SPATA16: variants seen among roughly 807,000 people sequenced by gnomAD.
SPATA16 encodes the protein spermatogenesis-associated protein 16.
Under a neutral mutation model 63.3 loss-of-function variants are expected in SPATA16, and 36 were observed. That is an observed-to-expected ratio of 0.57 (90% confidence interval 0.44 to 0.75). SPATA16 has a LOEUF of 0.75. Among genes scored for constraint, SPATA16 ranks in the 30% least tolerant of loss-of-function variants. The probability of loss-of-function intolerance (pLI) is 0.00; values close to 1 mark genes in which losing one functional copy is unlikely to be tolerated. For missense variants in SPATA16, 646 were observed against 679.3 expected (o/e 0.95, Z 0.54); for synonymous variants, 203 against 216.7 (o/e 0.94, Z 0.56).
intron 3 of SPATA16, among the ~76,000 whole-genome samples, chr3:173,041,892 A>G (rs1012287726): frequency 6.6e-6 from 1 of 152,132 alleles, no homozygotes; most frequent in African/African-American, 2.4e-5. Context: ...AACATGGCGC[A>G]TGTATACATA....
Position 172,924,980 on chromosome 3 carries a change from A to T in SPATA16, c.1228+366T>A, listed in dbSNP as rs573446484. On this transcript the variant is annotated intron_variant, in intron 7 of 10. Transcript: ENST00000351008. Reference sequence around the variant, plus strand: ...AGAGACATTAATACAACAACAGAGAATACAAGTAATTTAAGATTGTCATTG... The same window carrying T: ...AGAGACATTAATACAACAACAGAGATTACAAGTAATTTAAGATTGTCATTG... Among the ~76,000 whole-genome samples the T allele has an allele frequency of 2.6e-5, 4 of 152,352 alleles. No individual in the cohort carries two copies. In the South Asian group the frequency reaches 8.3e-4, roughly 32 times the overall value.
At chr3:173,140,114 G>C (rs1738668410) in intron 1 of SPATA16, among the ~76,000 whole-genome samples, 1 of 152,160 alleles carries the variant, frequency 6.6e-6, no homozygotes, top group Non-Finnish European at 1.5e-5. Context: ...CTTTCTTTTA[G>C]TCATAATCAA....
intron 2 of SPATA16, among the ~76,000 whole-genome samples, chr3:173,088,087 CTT>C (rs543770917): frequency 1.7e-4 from 11 of 62,936 alleles, no homozygotes; most frequent in African/African-American, 5.5e-4. Flanking sequence ...TCTGTCTTTT[CTT>C]TTTTTTTTTT....
Position 173,137,822 on chromosome 3 carries a change from AACACACACACACACACACAC to A in SPATA16, c.-19+3261_-19+3280del, listed in dbSNP as rs1185263699. Among the ~76,000 whole-genome samples, 706 of 122,286 alleles carry A rather than the reference AACACACACACACACACACAC, an allele frequency of 5.8e-3. 9 individuals carry two copies. The highest frequency in any genetic ancestry group is 0.02 in the African/African-American group (669 of 33,410). The allele number at this position is 122,286 out of a possible 152,430, so 80.2% of individuals were successfully genotyped here. ...TCTGAGGGGGATCCCATGGACTCTC[AACACACACACACACACACAC>A]ACACACACACACACACACACACACA... On this transcript the variant is annotated intron_variant, in intron 1 of 10. Coordinates refer to ENST00000351008, the MANE Select transcript of SPATA16 (RefSeq NM_031955.6).
chr3:173,069,112 GAA>G (rs541801266), intron 2 of SPATA16, among the ~76,000 whole-genome samples: 6 of 109,154 alleles, frequency 5.5e-5, no homozygotes, highest in Middle Eastern at 9.8e-3. Context: ...TCCGTCTCAA[GAA>G]AAAAAAAAAA....
At position 173,075,636 on chromosome 3, in the gene SPATA16, G is replaced by A. The variant is rs77564541; in HGVS notation, c.613-26542C>T. On this transcript the variant is annotated intron_variant, in intron 2 of 10. Coordinates refer to ENST00000351008, the MANE Select transcript of SPATA16 (RefSeq NM_031955.6). ...TCACTTGCAGTAACAGGGATGGAAC[G>A]GGAAGACATTATGTTAAGTGAAATA... Among the ~76,000 whole-genome samples, 749 of 152,210 alleles carry A rather than the reference G, an allele frequency of 4.9e-3. 4 individuals are homozygous for A. Among genetic ancestry groups the A allele is most frequent in the African/African-American group, 0.017 (713 of 41,526 alleles).
chr3:172,983,079 GTTTTAAAGACCTCCACAGA>G (rs1356246252), intron 4 of SPATA16, among the ~76,000 whole-genome samples: 1 of 152,108 alleles, frequency 6.6e-6, no homozygotes, highest in African/African-American at 2.4e-5. Context: ...AATCTATTCC[GTTTTAAAGACCTCCACAGA>G]AGGACATTGC....
At position 173,088,007 on chromosome 3, in the gene SPATA16, CG is replaced by C. The variant is rs1451701228; in HGVS notation, c.612+29112del. ...AATCTGATGATTAGCATTTTCTTTC[CG>C]TCTTTCTTTCTTTCTTTCTTTCTTT... On this transcript the variant is annotated intron_variant, in intron 2 of 10. Coordinates refer to ENST00000351008, the MANE Select transcript of SPATA16 (RefSeq NM_031955.6). Among the ~76,000 whole-genome samples the C allele has an allele frequency of 3.8e-4, 45 of 118,370 alleles. 1 individual carries two copies. The highest frequency in any genetic ancestry group is 1.5e-3 in the African/African-American group (44 of 28,566). 77.7% of individuals were successfully genotyped at this position (118,370 alleles called of 152,430 possible).
chr3:173,028,021 T>TC lies in SPATA16; in HGVS notation c.759-8447dup, dbSNP rs1560101010. On this transcript the variant is annotated intron_variant, in intron 3 of 10. Coordinates refer to ENST00000351008, the MANE Select transcript of SPATA16 (RefSeq NM_031955.6). ...TCCCTCCCTCCCTCCCTCCCTTCCTTCTTTCCTTCCTTCCTTCCTTCCTTC... is the reference window on the plus strand; with the variant it reads ...TCCCTCCCTCCCTCCCTCCCTTCCTTCCTTTCCTTCCTTCCTTCCTTCCTTC... 5.9e-3 allele frequency among the ~76,000 whole-genome samples: 205 copies of TC among 34,904 alleles called. 6 individuals carry two copies. The highest frequency in any genetic ancestry group is 9.1e-3 in the Admixed American group (20 of 2,188). The allele number at this position is 34,904 out of a possible 152,430, so 22.9% of individuals were successfully genotyped here. A position where few individuals can be genotyped will look rare whatever the true frequency, so the allele number is the denominator to read the frequency against.
At chr3:173,138,072 C>A (rs1001072014) in intron 1 of SPATA16, among the ~76,000 whole-genome samples, 2 of 152,022 alleles carry the variant, frequency 1.3e-5, no homozygotes, top group African/African-American at 2.4e-5. Flanking sequence ...TGATTTCTAA[C>A]AAGTTAAATG....
intron 5 of SPATA16, among the ~76,000 whole-genome samples, chr3:172,962,524 A>G (rs1733814437): frequency 6.6e-6 from 1 of 152,186 alleles, no homozygotes. Context: ...CTTTTTATCT[A>G]CTAATACTTG....
intron 3 of SPATA16, among the ~76,000 whole-genome samples, chr3:173,030,571 A>G (rs1366479849): frequency 6.6e-6 from 1 of 152,112 alleles, no homozygotes; most frequent in Non-Finnish European, 1.5e-5. Flanking sequence ...AAAAATCAGA[A>G]ATAAAAAAGT....
At chr3:172,911,776 A>G (rs966206309) in intron 10 of SPATA16, among the ~76,000 whole-genome samples, 3 of 152,146 alleles carry the variant, frequency 2.0e-5, no homozygotes. Context: ...CATCAGTTGA[A>G]CAAGGCCTAT....
intron 2 of SPATA16, among the ~76,000 whole-genome samples, chr3:173,115,360 C>T (rs1028063939): frequency 1.3e-5 from 2 of 152,240 alleles, no homozygotes; most frequent in African/African-American, 4.8e-5. Context: ...CTTTAACCCT[C>T]CCTGCACCAG....
intron 2 of SPATA16, among the ~76,000 whole-genome samples, chr3:173,100,243 T>C (rs534908799): frequency 3.3e-5 from 5 of 152,330 alleles, no homozygotes; most frequent in East Asian, 1.9e-4. Context: ...ATGACTTCTT[T>C]TGCTTAAGTG....
chr3:172,977,600 T>A (rs1443015368), intron 4 of SPATA16, among the ~76,000 whole-genome samples: 1 of 152,170 alleles, frequency 6.6e-6, no homozygotes, highest in Non-Finnish European at 1.5e-5. Flanking sequence ...TTTTAATGTC[T>A]AGTGTGTAGA....
Position 172,942,123 on chromosome 3 carries a change from A to G in SPATA16, c.1081+14554T>C, listed in dbSNP as rs559191764. ...CACAGAAATCGACAAAGATCTATTT[A>G]GCACTTACTATTTGTCAGGCACTAT... On this transcript the variant is annotated intron_variant, in intron 6 of 10. Transcript: ENST00000351008. Among the ~76,000 whole-genome samples, 4 of 152,258 alleles carry G rather than the reference A, an allele frequency of 2.6e-5. No homozygotes were observed. The East Asian group carries it at 7.7e-4, about 29-fold the overall frequency.
intron 3 of SPATA16, among the ~76,000 whole-genome samples, chr3:173,046,782 A>G (rs935323118): frequency 1.6e-4 from 25 of 151,960 alleles, no homozygotes; most frequent in African/African-American, 5.3e-4. Context: ...TTTAAAATCT[A>G]AGATCTTTCA....
chr3:173,063,910 C>T (rs918832398), intron 2 of SPATA16, among the ~76,000 whole-genome samples: 6 of 152,130 alleles, frequency 3.9e-5, no homozygotes, highest in Admixed American at 2.0e-4. Flanking sequence ...ATGCATGATT[C>T]GTGAATTGGG....
Sources: gnomAD v4.1 joint callset for allele counts (sites outside exome capture counted in the v4.1 genomes callset) on GRCh38, gnomAD v4.1.1 for gene constraint, MANE v1.5 for transcripts, NCBI Gene and HGNC (gene_info 2026-07-23, HGNC 2026-07-21) for gene names.